PDE4B: variants seen among roughly 807,000 people sequenced by gnomAD.
PDE4B encodes phosphodiesterase 4B, also known as 3',5'-cyclic-AMP phosphodiesterase 4B.
A neutral mutation model predicts 82.2 loss-of-function variants in PDE4B; 20 were observed. The ratio of observed to expected loss-of-function variants is 0.24; its 90% CI spans 0.17 to 0.35. The LOEUF (loss-of-function observed/expected upper bound fraction) is 0.35. PDE4B is among the 10% of genes least tolerant of loss of function. The pLI is 1.00. For synonymous variants in PDE4B, 320 were observed against 318.9 expected (o/e 1.00, Z -0.04); for missense variants, 655 against 907.2 (o/e 0.72, Z 3.57).
chr1:66,046,676 C>T (rs749346246), intron 3 of PDE4B, among the ~76,000 whole-genome samples: 22 of 151,746 alleles, frequency 1.4e-4, no homozygotes, highest in East Asian at 7.7e-4. Flanking sequence ...TCTGAATTAT[C>T]GGGAATTACA....
Position 66,178,584 on chromosome 1 carries a change from T to C in PDE4B, c.282-68876T>C, listed in dbSNP as rs1356286056. ...CTTGTGGTCTTTAAAAACAGAAAAA[T>C]GATATTTATTTCCCAATTTATCCAG... On this transcript the variant is annotated intron_variant, in intron 3 of 16. Coordinates refer to ENST00000341517, the MANE Select transcript of PDE4B (RefSeq NM_002600.4). 2.0e-5 allele frequency among the ~76,000 whole-genome samples: 3 copies of C among 152,290 alleles called. No individual in the cohort carries two copies. In the South Asian group the frequency reaches 6.2e-4, roughly 32 times the overall value.
intron 8 of PDE4B, 85 bp from the exon 9 acceptor site, chr1:66,355,442 T>C: frequency 1.2e-6 from 1 of 809,124 alleles, no homozygotes; most frequent in Non-Finnish European, 2.1e-6. Flanking sequence ...AACCTCTTGA[T>C]TCCTGGACAG....
At chr1:66,264,765 C>T (rs1367290321) in intron 6 of PDE4B, among the ~76,000 whole-genome samples, 1 of 152,190 alleles carries the variant, frequency 6.6e-6, no homozygotes, top group African/African-American at 2.4e-5. Context: ...TCTGTGGCCA[C>T]ACCAGTAGGA....
chr1:66,049,377 AGTGTGGTGTCT>A (rs1654893618), intron 3 of PDE4B, among the ~76,000 whole-genome samples: 1 of 151,974 alleles, frequency 6.6e-6, no homozygotes. Flanking sequence ...AAAGAGTGGG[AGTGTGGTGTCT>A]GTGTTAGTAT....
chr1:66,154,223 C>T (rs1646458311), intron 3 of PDE4B, among the ~76,000 whole-genome samples: 1 of 152,144 alleles, frequency 6.6e-6, no homozygotes, highest in African/African-American at 2.4e-5. Flanking sequence ...TACCTGAGCT[C>T]CTCCACCAGA....
At chr1:66,252,465 A>C (rs1262976843) in intron 4 of PDE4B, among the ~76,000 whole-genome samples, 1 of 152,166 alleles carries the variant, frequency 6.6e-6, no homozygotes, top group Non-Finnish European at 1.5e-5. Context: ...ACCTACCTTA[A>C]ATGTGCTCAG....
At chr1:65,992,779 G>A (rs1651315363) in intron 3 of PDE4B, 25 of 1,419,824 alleles carry the variant, frequency 1.8e-5, no homozygotes, top group Non-Finnish European at 2.3e-5. Context: ...TCATACATTG[G>A]AGTCACAGCT....
chr1:65,902,452 A>C (rs1646982172), intron 1 of PDE4B, among the ~76,000 whole-genome samples: 1 of 152,138 alleles, frequency 6.6e-6, no homozygotes. Context: ...TCCTGATAAA[A>C]TTCCACTTAC....
chr1:65,818,685 C>CACATATATATATATATATATATATATAT (rs141035147), intron 1 of PDE4B, among the ~76,000 whole-genome samples: 5 of 143,772 alleles, frequency 3.5e-5, no homozygotes, highest in African/African-American at 1.3e-4. Context: ...CACACACACA[C>CACATATATATATATATATATATATATAT]ATATATATAT....
intron 1 of PDE4B, among the ~76,000 whole-genome samples, chr1:65,813,231 C>A (rs1306385132): frequency 6.6e-6 from 1 of 152,106 alleles, no homozygotes; most frequent in Non-Finnish European, 1.5e-5. Context: ...TGCCACTTAA[C>A]TAATCGTGGG....
intron 3 of PDE4B, among the ~76,000 whole-genome samples, chr1:65,966,835 T>C (rs531158131): frequency 2.2e-4 from 34 of 152,290 alleles, no homozygotes; most frequent in Non-Finnish European, 3.5e-4. Context: ...GCTAGCCATA[T>C]GGAGAAAGCT....
chr1:66,296,306 C>T (rs979135984), intron 7 of PDE4B, among the ~76,000 whole-genome samples: 3 of 152,100 alleles, frequency 2.0e-5, no homozygotes, highest in Non-Finnish European at 4.4e-5. Flanking sequence ...CTGGTAGGCA[C>T]GTGATAGGGA....
At chr1:66,263,126 C>A (rs1196632703) in intron 6 of PDE4B, among the ~76,000 whole-genome samples, 1 of 152,216 alleles carries the variant, frequency 6.6e-6, no homozygotes, top group East Asian at 1.9e-4. Context: ...AATGTTCAAT[C>A]ATTGCTTAAA....
At chr1:66,270,992 CA>C (rs1441154661) in intron 7 of PDE4B, among the ~76,000 whole-genome samples, 4 of 152,166 alleles carry the variant, frequency 2.6e-5, no homozygotes, top group Non-Finnish European at 5.9e-5. Context: ...AATAATTTTC[CA>C]AATGGTTGTT....
chr1:66,127,969 A>G (rs1570299792), intron 3 of PDE4B, among the ~76,000 whole-genome samples: 1 of 152,090 alleles, frequency 6.6e-6, no homozygotes, highest in East Asian at 1.9e-4. Flanking sequence ...AGGTAATTCT[A>G]TTTCAGTGTT....
At chr1:66,333,673 C>T (rs146113624) in intron 8 of PDE4B, among the ~76,000 whole-genome samples, 1 of 152,308 alleles carries the variant, frequency 6.6e-6, no homozygotes, top group African/African-American at 2.4e-5. Flanking sequence ...CCTTCTCCAG[C>T]TTTCCTGGGG....
At chr1:65,905,884 G>A (rs184825674) in intron 1 of PDE4B, among the ~76,000 whole-genome samples, 50 of 152,238 alleles carry the variant, frequency 3.3e-4, no homozygotes, top group Admixed American at 3.0e-3. Context: ...AGATGAGACA[G>A]GGGCATTTTA....
At chr1:65,967,588 TG>T (rs2100615038) in intron 3 of PDE4B, among the ~76,000 whole-genome samples, 1 of 152,322 alleles carries the variant, frequency 6.6e-6, no homozygotes, top group Admixed American at 6.5e-5. Flanking sequence ...ATTGCAGCAC[TG>T]TTCACAATAG....
chr1:66,363,927 A>T (rs1232514304), intron 12 of PDE4B, among the ~76,000 whole-genome samples: 2 of 152,170 alleles, frequency 1.3e-5, no homozygotes, highest in Non-Finnish European at 2.9e-5. Flanking sequence ...TGACATTTCT[A>T]CTTGTTTTGC....
Sources: allele counts gnomAD v4.1 joint callset (sites outside exome capture counted in the v4.1 genomes callset), GRCh38; gene constraint gnomAD v4.1.1; transcripts MANE v1.5; gene names NCBI Gene and HGNC (gene_info 2026-07-23, HGNC 2026-07-21).